OPCML: variants seen among roughly 807,000 people sequenced by gnomAD.
OPCML encodes the protein opioid-binding protein/cell adhesion molecule.
In OPCML, 13 loss-of-function variants were observed where a neutral mutation model predicts 37.8. The observed-to-expected ratio is 0.34, with a 90% CI of 0.22 to 0.55. The LOEUF is 0.55. OPCML is among the 20% of genes least tolerant of loss of function. OPCML has a pLI of 0.91. For synonymous variants in OPCML, 176 were observed against 168.8 expected, an observed-to-expected ratio of 1.04 and a Z score of -0.33; for missense variants, 341 against 435.6, an observed-to-expected ratio of 0.78 and a Z score of 1.93.
At chr11:132,853,779 A>T (rs1346065850) in intron 2 of OPCML, among the ~76,000 whole-genome samples, 1 of 152,108 alleles carries the variant, frequency 6.6e-6, no homozygotes, top group Admixed American at 6.5e-5. Flanking sequence ...ATTCCTTTCT[A>T]TTGCCTGTAT....
In OPCML at chr11:133,048,089, C is replaced by T. The variant is rs974832444; in HGVS notation, c.62-105079G>A. On this transcript the variant is annotated intron_variant, in intron 1 of 7. Coordinates refer to ENST00000524381, the MANE Select transcript of OPCML (RefSeq NM_001012393.5). Reference sequence around the variant, plus strand: ...CTTGAGGAATCGGGTAAGACGCATGCATGGCTTCCCCAGATGGAATGTCCT... The same window carrying T: ...CTTGAGGAATCGGGTAAGACGCATGTATGGCTTCCCCAGATGGAATGTCCT... Among the ~76,000 whole-genome samples, 47 of 152,264 alleles carry T rather than the reference C, an allele frequency of 3.1e-4. 1 individual carries two copies. Among genetic ancestry groups the T allele is most frequent in the African/African-American group, 1.1e-3 (45 of 41,570 alleles).
intron 3 of OPCML, among the ~76,000 whole-genome samples, chr11:132,570,804 T>TAGAGAGAGAGAGAGAG (rs1203341702): frequency 7.7e-5 from 7 of 90,762 alleles, no homozygotes; most frequent in South Asian, 3.4e-4. Flanking sequence ...TATATATATT[T>TAGAGAGAGAGAGAGAG]AGAGAGAGAG....
intron 1 of OPCML, among the ~76,000 whole-genome samples, chr11:133,048,743 G>A (rs1591950120): frequency 6.6e-6 from 1 of 152,294 alleles, no homozygotes; most frequent in East Asian, 1.9e-4. Context: ...ATGCCCCAGA[G>A]AGACACTGTC....
intron 2 of OPCML, among the ~76,000 whole-genome samples, chr11:132,940,469 G>A (rs2136666139): frequency 6.6e-6 from 1 of 152,280 alleles, no homozygotes; most frequent in South Asian, 2.1e-4. Context: ...TGTCTTTAAG[G>A]AGGCAAAAGA....
At chr11:133,528,179 C>T (rs557942822) in intron 1 of OPCML, among the ~76,000 whole-genome samples, 2 of 152,340 alleles carry the variant, frequency 1.3e-5, no homozygotes, top group South Asian at 4.1e-4. Context: ...CTGCCCAGTT[C>T]CAGGCTACTG....
chr11:133,156,352 A>G (rs1950062207), intron 1 of OPCML, among the ~76,000 whole-genome samples: 2 of 152,160 alleles, frequency 1.3e-5, no homozygotes, highest in African/African-American at 2.4e-5. Flanking sequence ...TTCTCTATCT[A>G]GCCAACTCTT....
chr11:132,606,425 T>C (rs1169738202), intron 3 of OPCML, among the ~76,000 whole-genome samples: 2 of 152,186 alleles, frequency 1.3e-5, no homozygotes, highest in South Asian at 2.1e-4. Context: ...CTCCGCTGCC[T>C]GATTCCCCTG....
At chr11:132,575,774 G>A (rs1368511584) in intron 3 of OPCML, among the ~76,000 whole-genome samples, 1 of 151,906 alleles carries the variant, frequency 6.6e-6, no homozygotes. Flanking sequence ...GCTATTTAGT[G>A]TCCTTTTATT....
chr11:132,781,062 C>G (rs2136149934), intron 2 of OPCML, among the ~76,000 whole-genome samples: 1 of 152,198 alleles, frequency 6.6e-6, no homozygotes, highest in South Asian at 2.1e-4. Context: ...TTAGTAATAA[C>G]TACTTTAGAA....
chr11:133,048,134 C>A (rs1459163100), intron 1 of OPCML, among the ~76,000 whole-genome samples: 1 of 152,062 alleles, frequency 6.6e-6, no homozygotes, highest in African/African-American at 2.4e-5. Context: ...CTATGGGATG[C>A]TAACTCCCCT....
At position 132,644,425 on chromosome 11, in the gene OPCML, G is replaced by A. The variant is rs562750622; in HGVS notation, c.379+12662C>T. Among the ~76,000 whole-genome samples the A allele has an allele frequency of 6.1e-4, 93 of 152,198 alleles. No individual in the cohort carries two copies. The South Asian group carries it at 0.017, about 27-fold the overall frequency. ...CTTACCTGCGGATTTTAGGTTACCC[G>A]GGGAGCTGTTATGTTGTGTCTGAGG... is the stretch of plus-strand genomic sequence containing the variant. On this transcript the variant is annotated intron_variant, in intron 3 of 7. Coordinates refer to ENST00000524381, the MANE Select transcript of OPCML (RefSeq NM_001012393.5).
At chr11:132,456,596 CTG>C (rs1480904576) in intron 4 of OPCML, among the ~76,000 whole-genome samples, 5 of 152,120 alleles carry the variant, frequency 3.3e-5, no homozygotes, top group Non-Finnish European at 7.4e-5. Flanking sequence ...ATGATTCTAC[CTG>C]TGTTTCATGT....
intron 1 of OPCML, among the ~76,000 whole-genome samples, chr11:133,373,701 A>T (rs1944736271): frequency 6.6e-6 from 1 of 151,998 alleles, no homozygotes; most frequent in African/African-American, 2.4e-5. Context: ...GTACACCCAA[A>T]CATCTTACCA....
At chr11:132,435,569 G>T (rs1044299172) in intron 7 of OPCML, among the ~76,000 whole-genome samples, 1 of 144,314 alleles carries the variant, frequency 6.9e-6, no homozygotes, top group Non-Finnish European at 1.5e-5. Flanking sequence ...ATATGGGAGG[G>T]AAAGATCTTC....
intron 1 of OPCML, among the ~76,000 whole-genome samples, chr11:133,284,110 T>C (rs908687388): frequency 1.2e-4 from 19 of 152,216 alleles, no homozygotes; most frequent in African/African-American, 4.6e-4. Flanking sequence ...GTTCTGAGAA[T>C]ATTTCATGTC....
intron 2 of OPCML, among the ~76,000 whole-genome samples, chr11:132,742,032 A>C (rs2136040949): frequency 6.6e-6 from 1 of 152,034 alleles, no homozygotes; most frequent in Middle Eastern, 3.4e-3. Context: ...TCTGTCTCAA[A>C]AAAAAAAAAA....
At chr11:132,879,007 T>A (rs1408157292) in intron 2 of OPCML, among the ~76,000 whole-genome samples, 1 of 152,216 alleles carries the variant, frequency 6.6e-6, no homozygotes. Context: ...AATCATTGCT[T>A]AATATAGATG....
At chr11:133,047,274 A>T (rs1591948751) in intron 1 of OPCML, among the ~76,000 whole-genome samples, 1 of 152,232 alleles carries the variant, frequency 6.6e-6, no homozygotes. Context: ...TAGAGCCATG[A>T]GTGTTCCTCT....
intron 2 of OPCML, among the ~76,000 whole-genome samples, chr11:132,722,461 A>G (rs1944708651): frequency 6.6e-6 from 1 of 152,158 alleles, no homozygotes; most frequent in Admixed American, 6.5e-5. Context: ...AGTTATTGCA[A>G]TCAGCTAGCA....
Sources: gnomAD v4.1 joint callset for allele counts (sites outside exome capture counted in the v4.1 genomes callset) on GRCh38, gnomAD v4.1.1 for gene constraint, MANE v1.5 for transcripts, NCBI Gene and HGNC (gene_info 2026-07-23, HGNC 2026-07-21) for gene names.